Variants in TRPM4 observed in about 807,000 individuals in gnomAD.
TRPM4 encodes transient receptor potential cation channel subfamily M member 4.
A neutral mutation model predicts 135.6 loss-of-function variants in TRPM4; 124 were observed. The ratio of observed to expected loss-of-function variants is 0.91; its 90% CI spans 0.79 to 1.06. TRPM4 has a LOEUF of 1.06. TRPM4 is among the 50% of genes least tolerant of loss of function. The probability of loss-of-function intolerance (pLI) is 0.00; values close to 1 mark genes in which losing one functional copy is unlikely to be tolerated. For synonymous variants in TRPM4, 745 were observed against 705.6 expected, an observed-to-expected ratio of 1.06 and a Z score of -0.88; for missense variants, 1,658 against 1,671.4, an observed-to-expected ratio of 0.99 and a Z score of 0.14.
chr19:49,158,969 C>T (rs2041577287), intron 2 of TRPM4: 2 of 151,146 alleles, frequency 1.3e-5, no homozygotes. Context: ...TGTGTGCGTC[C>T]GCGAGGAGCT....
At chr19:49,190,170 G>A in intron 14 of TRPM4, 38 bp from the exon 15 acceptor site, 1 of 1,573,416 alleles carries the variant, frequency 6.4e-7, no homozygotes, top group Non-Finnish European at 8.7e-7. Context: ...CGGGGCTGTG[G>A]GGGAGATTTG....
intron 20 of TRPM4, among the ~76,000 whole-genome samples, chr19:49,205,970 T>G (rs1205084751): frequency 2.6e-5 from 4 of 151,880 alleles, no homozygotes; most frequent in South Asian, 2.1e-4. Flanking sequence ...GTTTTTTGGG[T>G]TTTTTTTGAG....
chr19:49,210,144 AACCTTCGTCC>A lies in TRPM4; in HGVS notation c.3132-64_3132-55del, dbSNP rs1192243563. The A allele has an allele frequency of 4.8e-5, 73 of 1,522,516 alleles. No homozygotes were observed. In the African/African-American group the frequency reaches 9.0e-4, roughly 19 times the overall value. 94.3% of individuals were successfully genotyped at this position (1,522,516 alleles called of 1,614,324 possible). ...ACTGAACAATTATTGCCTGGCATCT[AACCTTCGTCC>A]TTGCCCCTGGCTGGGCCCTGACCTC... On this transcript the variant is annotated intron_variant, in intron 20 of 24. Transcript: ENST00000252826. The surrounding 1 kb of genome is among the most constrained non-coding windows in gnomAD (Gnocchi z 4.1).
chr19:49,194,618 CCTTT>C (rs1235924508), intron 16 of TRPM4, among the ~76,000 whole-genome samples: 12 of 150,270 alleles, frequency 8.0e-5, no homozygotes, highest in Admixed American at 3.3e-4. Context: ...TTCCTTCCTT[CCTTT>C]CTTTCCTTCC....
chr19:49,167,970 A>G lies in TRPM4; in HGVS notation c.321A>G (p.Thr107=), dbSNP rs890603756. 7.4e-6 allele frequency: 12 copies of G among 1,613,936 alleles called. No individual in the cohort carries two copies. Among genetic ancestry groups the G allele is most frequent in the Admixed American group, 3.3e-5 (2 of 60,000 alleles). ...TDPAAVYSLV[T]RTWGFRAPNL... ...CAGCTGCAGTTTATAGTCTGGTCAC[A>G]CGCACATGGGGCTTCCGTGCCCCGA... Residue 107 remains threonine, a synonymous_variant, in exon 4 of 25, where the codon ACA becomes ACG. Coordinates refer to ENST00000252826, the MANE Select transcript of TRPM4 (RefSeq NM_017636.4).
At chr19:49,162,233 T>C (rs1219014082) in intron 2 of TRPM4, among the ~76,000 whole-genome samples, 1 of 152,090 alleles carries the variant, frequency 6.6e-6, no homozygotes, top group Non-Finnish European at 1.5e-5. Flanking sequence ...AGGAAATTGA[T>C]GATTTTTATC....
intron 17 of TRPM4, among the ~76,000 whole-genome samples, chr19:49,198,614 C>A (rs1285480475): frequency 4.9e-5 from 7 of 141,432 alleles, no homozygotes; most frequent in African/African-American, 1.9e-4. Context: ...TGCCACTGCA[C>A]TCTAGCCTGG....
intron 6 of TRPM4, among the ~76,000 whole-genome samples, chr19:49,170,313 C>T (rs151090139): frequency 2.6e-5 from 4 of 152,106 alleles, no homozygotes; most frequent in Middle Eastern, 3.4e-3. Context: ...CTCAGCCTCC[C>T]GAGTAGCTGG....
At chr19:49,205,604 C>T (rs1279253314) in intron 20 of TRPM4, among the ~76,000 whole-genome samples, 1 of 139,056 alleles carries the variant, frequency 7.2e-6, no homozygotes, top group East Asian at 2.2e-4. Flanking sequence ...GGCGTGATCT[C>T]GGCTCACTGC....
intron 2 of TRPM4, among the ~76,000 whole-genome samples, chr19:49,162,135 A>C (rs936065634): frequency 6.6e-6 from 1 of 152,232 alleles, no homozygotes; most frequent in East Asian, 1.9e-4. Flanking sequence ...GAGGGTTTCC[A>C]GAATGAGAGC....
intron 20 of TRPM4, among the ~76,000 whole-genome samples, chr19:49,207,267 G>A (rs1010352387): frequency 1.3e-5 from 2 of 152,046 alleles, no homozygotes; most frequent in African/African-American, 2.4e-5. Flanking sequence ...TGGGTATGAC[G>A]GTAGCTGTGG....
At chr19:49,159,805 T>C (rs188819230) in intron 2 of TRPM4, 16 of 152,238 alleles carry the variant, frequency 1.1e-4, no homozygotes, top group African/African-American at 3.9e-4. Context: ...TTCAAGACAG[T>C]TTTTGGGGTG....
intron 17 of TRPM4, among the ~76,000 whole-genome samples, chr19:49,199,241 G>GTT (rs566797949): frequency 2.1e-5 from 3 of 144,584 alleles, no homozygotes; most frequent in Middle Eastern, 3.3e-3. Flanking sequence ...GTGCCCCCTT[G>GTT]TTTTTTTTTT....
chr19:49,158,454 T>C (rs1056498896), intron 2 of TRPM4, 195 bp downstream of exon 2: 17 of 625,498 alleles, frequency 2.7e-5, no homozygotes, highest in African/African-American at 2.5e-4. Flanking sequence ...TTCGCCATTC[T>C]CCCGCTCAGG....
Position 49,211,381 on chromosome 19 carries a change from T to C in TRPM4, c.3640+112T>C. 6.3e-7 allele frequency: 1 copy of C among 1,591,436 alleles called. No homozygotes were observed. The highest frequency in any genetic ancestry group is 8.6e-7 in the Non-Finnish European group (1 of 1,163,942). On this transcript the variant is annotated intron_variant, in intron 24 of 24. Transcript: ENST00000252826. The surrounding 1 kb of genome is among the most constrained non-coding windows in gnomAD (Gnocchi z 4.8). ...CCTGGGTCACTCTCTTGGTCTCCTT[T>C]GAGCCTTTTGTACTCTCGCCTTCGT...
chr19:49,165,911 G>T, intron 2 of TRPM4, 130 bp from the exon 3 acceptor site: 1 of 949,736 alleles, frequency 1.1e-6, no homozygotes, highest in Non-Finnish European at 1.6e-6. Context: ...CAGGGGCAGC[G>T]TGGACTCTGC....
In TRPM4 at chr19:49,171,446, AG is replaced by A; in HGVS notation, c.858+33del. ...ATAGGGGCCCGGATGCCCGGATCTA[AG>A]GGGGAAGGAGGGTTGGGGGCCAGGA... On this transcript the variant is annotated intron_variant, in intron 7 of 24. Transcript: ENST00000252826. This position sits in a 1 kb window ranked among gnomAD's most constrained non-coding sequence, Gnocchi z 4.7. The A allele has an allele frequency of 6.2e-7, 1 of 1,613,746 alleles. No homozygotes were observed.
At position 49,210,261 on chromosome 19, in the gene TRPM4, C is replaced by T; in HGVS notation, c.3184C>T (p.Arg1062Cys). The change falls in exon 21 of 25, where the codon CGT becomes TGT. Residue 1062 changes from arginine (R) to cysteine (C), a missense_variant. Arg to Cys is a radical substitution (Grantham distance 180). Transcript: ENST00000252826. This position sits in a 1 kb window ranked among gnomAD's most constrained non-coding sequence, Gnocchi z 4.1. ...CAGCGATCTCTACTGGAAGGCGCAG[C>T]GTTACCGCCTCATCCGGGAATTCCA... ...GNSDLYWKAQ[R>C]YRLIREFHSR... 1 of 1,614,228 alleles carries T rather than the reference C, an allele frequency of 6.2e-7. No individual in the cohort carries two copies. Among genetic ancestry groups the T allele is most frequent in the South Asian group, 1.1e-5 (1 of 91,078 alleles).
Position 49,168,330 on chromosome 19 carries a change from T to C in TRPM4, c.519T>C (p.His173=), listed in dbSNP as rs1292222616. 6.2e-7 allele frequency: 1 copy of C among 1,614,078 alleles called. No individual in the cohort carries two copies. The highest frequency in any genetic ancestry group is 8.5e-7 in the Non-Finnish European group (1 of 1,180,020). Reference sequence around the variant, plus strand: ...ATGTTGGTGTGGCTGTACGGGACCATCAGATGGCCAGCACTGGGGGCACCA... The same window carrying C: ...ATGTTGGTGTGGCTGTACGGGACCACCAGATGGCCAGCACTGGGGGCACCA... The part of the protein sequence containing the change: ...GRHVGVAVRD[H]QMASTGGTKV... The change falls in exon 5 of 25, where the codon CAT becomes CAC. Residue 173 remains histidine, a synonymous_variant. Transcript: ENST00000252826.
Sources: allele counts gnomAD v4.1 joint callset (sites outside exome capture counted in the v4.1 genomes callset), GRCh38; gene constraint gnomAD v4.1.1; non-coding constraint Gnocchi (gnomAD v3.1); transcripts MANE v1.5; gene names NCBI Gene and HGNC (gene_info 2026-07-23, HGNC 2026-07-21).